MEIS2: variants seen among roughly 807,000 people sequenced by gnomAD.
MEIS2 encodes the protein homeobox protein Meis2.
Under a neutral mutation model 58.6 loss-of-function variants are expected in MEIS2, and 9 were observed. The ratio of observed to expected loss-of-function variants is 0.15; its 90% CI spans 0.09 to 0.27. The LOEUF is 0.27. MEIS2 is among the 10% of genes least tolerant of loss of function. The pLI is 1.00. For synonymous variants in MEIS2, 221 were observed against 228.4 expected (o/e 0.97, Z 0.29); for missense variants, 427 against 635.0 (o/e 0.67, Z 3.52).
At chr15:36,995,466 G>C (rs16954367) in intron 8 of MEIS2, among the ~76,000 whole-genome samples, 69,825 of 151,524 alleles carry the variant, frequency 0.46, 17,450 homozygotes, top group East Asian at 0.67. Context: ...TTGCAGGTTT[G>C]TAAGTCTTAC....
intron 8 of MEIS2, among the ~76,000 whole-genome samples, chr15:37,005,703 T>G (rs1237780188): frequency 6.6e-6 from 1 of 152,152 alleles, no homozygotes; most frequent in African/African-American, 2.4e-5. Flanking sequence ...ACTACAGATG[T>G]GCACCACCAT....
intron 7 of MEIS2, among the ~76,000 whole-genome samples, chr15:37,063,301 G>A (rs1194228087): frequency 6.6e-6 from 1 of 152,164 alleles, no homozygotes. Flanking sequence ...AAATAGATGG[G>A]ATTACTGGCG....
At chr15:36,894,760 G>A in intron 11 of MEIS2, 4 of 1,613,884 alleles carry the variant, frequency 2.5e-6, no homozygotes, top group Non-Finnish European at 3.4e-6. Context: ...AAGGTTACAT[G>A]TAGTGCCATT....
chr15:36,931,273 T>C (rs574843557), intron 9 of MEIS2, among the ~76,000 whole-genome samples: 1 of 152,310 alleles, frequency 6.6e-6, no homozygotes, highest in East Asian at 1.9e-4. Context: ...AGTTAACATA[T>C]TGAAAATAAA....
At chr15:36,959,192 T>C (rs1484553057) in intron 8 of MEIS2, among the ~76,000 whole-genome samples, 4 of 152,200 alleles carry the variant, frequency 2.6e-5, no homozygotes, top group Admixed American at 2.6e-4. Flanking sequence ...AAAACAAATT[T>C]CACACACATG....
chr15:37,013,029 A>G (rs564955206), intron 8 of MEIS2, among the ~76,000 whole-genome samples: 13 of 152,286 alleles, frequency 8.5e-5, no homozygotes, highest in African/African-American at 3.1e-4. Context: ...GTTCTGGAGG[A>G]GGGGACCACA....
At chr15:37,021,292 C>G (rs1201397821) in intron 8 of MEIS2, among the ~76,000 whole-genome samples, 2 of 152,202 alleles carry the variant, frequency 1.3e-5, no homozygotes, top group Non-Finnish European at 2.9e-5. Context: ...CTAAGACTTT[C>G]CAGCCACTTT....
chr15:36,941,396 C>G (rs2058371031), intron 9 of MEIS2, among the ~76,000 whole-genome samples: 1 of 152,106 alleles, frequency 6.6e-6, no homozygotes, highest in Non-Finnish European at 1.5e-5. Flanking sequence ...AAACAACAAC[C>G]ACAACCACTA....
chr15:36,972,845 G>C (rs1272365896), intron 8 of MEIS2: 1 of 151,840 alleles, frequency 6.6e-6, no homozygotes, highest in African/African-American at 2.4e-5. Context: ...CCCGACTCCT[G>C]ATTTTGAAAC....
chr15:36,991,809 A>T (rs2141556787), intron 8 of MEIS2, among the ~76,000 whole-genome samples: 1 of 78,740 alleles, frequency 1.3e-5, no homozygotes, highest in Non-Finnish European at 2.2e-5. Context: ...TTTTTTTGAG[A>T]CGGAGTCTCG....
chr15:36,911,024 G>A, intron 9 of MEIS2, among the ~76,000 whole-genome samples: 1 of 135,594 alleles, frequency 7.4e-6, no homozygotes. Flanking sequence ...CAGCCTGGGT[G>A]ACAGAGCGCG....
chr15:37,070,007 T>TA (rs965797458), intron 7 of MEIS2, among the ~76,000 whole-genome samples: 8 of 151,216 alleles, frequency 5.3e-5, no homozygotes, highest in African/African-American at 1.2e-4. Flanking sequence ...AATGGCCGCT[T>TA]AAAAAAAAAT....
intron 6 of MEIS2, among the ~76,000 whole-genome samples, chr15:37,088,890 A>C (rs183690466): frequency 1.3e-5 from 2 of 152,318 alleles, no homozygotes; most frequent in East Asian, 3.9e-4. Context: ...TAAAAAAAGA[A>C]AATGAATTAA....
chr15:37,059,982 G>A (rs1157945899), intron 7 of MEIS2, among the ~76,000 whole-genome samples: 4 of 152,100 alleles, frequency 2.6e-5, no homozygotes, highest in Non-Finnish European at 4.4e-5. Context: ...GCAGGCTGGA[G>A]GGCAGTGGCA....
chr15:36,929,648 C>A (rs145908243), intron 9 of MEIS2, among the ~76,000 whole-genome samples: 59 of 152,258 alleles, frequency 3.9e-4, no homozygotes, highest in Middle Eastern at 3.4e-3. Context: ...CCGCTTTGTC[C>A]CACTTCTGAA....
chr15:37,040,483 G>C (rs2062378229), intron 7 of MEIS2, among the ~76,000 whole-genome samples: 1 of 152,162 alleles, frequency 6.6e-6, no homozygotes, highest in Admixed American at 6.5e-5. Flanking sequence ...GGTTACGTAT[G>C]TGCACACAGT....
At chr15:36,984,329 T>C (rs1056351546) in intron 8 of MEIS2, among the ~76,000 whole-genome samples, 4 of 152,138 alleles carry the variant, frequency 2.6e-5, no homozygotes, top group Admixed American at 2.0e-4. Context: ...CAAATACTTC[T>C]TCTTTATCTA....
intron 8 of MEIS2, among the ~76,000 whole-genome samples, chr15:36,982,883 C>T (rs2059974009): frequency 6.6e-6 from 1 of 152,106 alleles, no homozygotes; most frequent in Non-Finnish European, 1.5e-5. Flanking sequence ...TTTTGATTTA[C>T]ATTTGCCTGA....
In MEIS2 at chr15:36,889,596, G is replaced by C. The variant is rs1483088528; in HGVS notation, c.*2577C>G. 6.6e-6 allele frequency: 1 copy of C among 152,170 alleles called. No homozygotes were observed. Among genetic ancestry groups the C allele is most frequent in the Non-Finnish European group, 1.5e-5 (1 of 68,036 alleles). The allele number at this position is 152,170 out of a possible 1,614,324, so 9.4% of individuals were successfully genotyped here. ...ACTTTATTCATTAAAACCAAGAGTTGAGAGCTCTGGTCTCTAAACTTCAAT... is the reference window on the plus strand; with the variant it reads ...ACTTTATTCATTAAAACCAAGAGTTCAGAGCTCTGGTCTCTAAACTTCAAT... On this transcript the variant is annotated 3_prime_UTR_variant, in exon 12 of 12. Coordinates refer to ENST00000561208, the MANE Select transcript of MEIS2 (RefSeq NM_170675.5).
Sources: gnomAD v4.1 joint callset for allele counts (sites outside exome capture counted in the v4.1 genomes callset) on GRCh38, gnomAD v4.1.1 for gene constraint, MANE v1.5 for transcripts, NCBI Gene and HGNC (gene_info 2026-07-23, HGNC 2026-07-21) for gene names.